SORCS2: variants seen among roughly 807,000 people sequenced by gnomAD.
SORCS2 encodes the protein VPS10 domain-containing receptor SorCS2.
Under a neutral mutation model 141.6 loss-of-function variants are expected in SORCS2, and 100 were observed. That is an observed-to-expected ratio of 0.71 (90% CI 0.60 to 0.83). The LOEUF (loss-of-function observed/expected upper bound fraction) is 0.83. Among genes scored for constraint, SORCS2 ranks in the 40% least tolerant of loss-of-function variants. The pLI is 0.00. For missense variants in SORCS2, 1,646 were observed against 1,560.2 expected, an observed-to-expected ratio of 1.05 and a Z score of -0.93; for synonymous variants, 789 against 676.9, an observed-to-expected ratio of 1.17 and a Z score of -2.57.
Position 7,437,715 on chromosome 4 carries a change from C to CT in SORCS2, c.548+41370dup, listed in dbSNP as rs11359730. Among the ~76,000 whole-genome samples, 17 of 150,698 alleles carry CT rather than the reference C, an allele frequency of 1.1e-4. No homozygotes were observed. In the South Asian group the frequency reaches 1.7e-3, roughly 15 times the overall value. On this transcript the variant is annotated intron_variant, in intron 2 of 26. Transcript: ENST00000507866. ...CAGAAAGTGGGGACAAAACCAAACA[C>CT]TTTTTTTTTTATCCCATGGCGGGGA...
intron 26 of SORCS2, among the ~76,000 whole-genome samples, chr4:7,739,213 C>A (rs1020913513): frequency 1.3e-5 from 2 of 152,084 alleles, no homozygotes; most frequent in Non-Finnish European, 2.9e-5. Context: ...CAGCTGTGTG[C>A]CCCCCGAAGG....
At chr4:7,254,563 T>C (rs146571790) in intron 1 of SORCS2, among the ~76,000 whole-genome samples, 53 of 152,316 alleles carry the variant, frequency 3.5e-4, no homozygotes, top group South Asian at 8.3e-4. Flanking sequence ...GGGTATAATG[T>C]ACATTATTTG....
intron 2 of SORCS2, among the ~76,000 whole-genome samples, chr4:7,447,263 G>C (rs1352395992): frequency 1.3e-5 from 2 of 152,172 alleles, no homozygotes; most frequent in Admixed American, 6.5e-5. Context: ...GTGTCTGAGA[G>C]TGGATCATGT....
intron 2 of SORCS2, among the ~76,000 whole-genome samples, chr4:7,450,902 G>A (rs1728393087): frequency 6.6e-6 from 1 of 151,872 alleles, no homozygotes; most frequent in Non-Finnish European, 1.5e-5. Context: ...ATGAGTGAGG[G>A]AGTGAATGAA....
chr4:7,257,424 T>C (rs1211921535), intron 1 of SORCS2, among the ~76,000 whole-genome samples: 4 of 152,074 alleles, frequency 2.6e-5, no homozygotes, highest in South Asian at 2.1e-4. Flanking sequence ...AGTGTAAGTA[T>C]GGACCCTGAG....
chr4:7,500,921 C>T (rs776024413), intron 2 of SORCS2, among the ~76,000 whole-genome samples: 17 of 152,210 alleles, frequency 1.1e-4, no homozygotes, highest in Admixed American at 2.6e-4. Context: ...CCACCAGCCC[C>T]GACTCCTGTG....
At chr4:7,737,225 C>A (rs1172365786) in intron 26 of SORCS2, 53 bp downstream of exon 26, 2 of 1,547,326 alleles carry the variant, frequency 1.3e-6, no homozygotes, top group Non-Finnish European at 1.7e-6. Flanking sequence ...GTAACGTCCG[C>A]CCCAAACCCA....
At chr4:7,393,538 T>C (rs985940938) in intron 1 of SORCS2, among the ~76,000 whole-genome samples, 2 of 152,214 alleles carry the variant, frequency 1.3e-5, no homozygotes, top group Non-Finnish European at 2.9e-5. Context: ...AAATTCTAGC[T>C]CTGCCGCTTG....
chr4:7,697,706 C>T (rs896182955), intron 12 of SORCS2, among the ~76,000 whole-genome samples: 31 of 150,914 alleles, frequency 2.1e-4, no homozygotes, highest in Non-Finnish European at 3.5e-4. Context: ...GAGGGGGCTA[C>T]GGGGGACTCC....
At chr4:7,626,771 T>C (rs928538271) in intron 3 of SORCS2, among the ~76,000 whole-genome samples, 3 of 152,162 alleles carry the variant, frequency 2.0e-5, no homozygotes, top group African/African-American at 7.2e-5. Context: ...TGTAAGGCCA[T>C]GGGAGGGTGA....
chr4:7,413,856 C>G (rs549192179), intron 2 of SORCS2, among the ~76,000 whole-genome samples: 1 of 152,174 alleles, frequency 6.6e-6, no homozygotes, highest in Non-Finnish European at 1.5e-5. Flanking sequence ...TGCCCCACGT[C>G]TCTATGTTCT....
chr4:7,444,687 A>G (rs1012721077), intron 2 of SORCS2, among the ~76,000 whole-genome samples: 2 of 152,192 alleles, frequency 1.3e-5, no homozygotes, highest in East Asian at 1.9e-4. Flanking sequence ...TGGTGCTTCT[A>G]AAAGGATGGA....
intron 2 of SORCS2, among the ~76,000 whole-genome samples, chr4:7,437,610 G>C (rs966107191): frequency 9.2e-5 from 14 of 152,170 alleles, no homozygotes; most frequent in Non-Finnish European, 1.5e-4. Context: ...CATAAACTCA[G>C]GTGTGGTCAG....
chr4:7,222,170 C>A (rs1387416743), intron 1 of SORCS2, among the ~76,000 whole-genome samples: 3 of 152,146 alleles, frequency 2.0e-5, no homozygotes, highest in Non-Finnish European at 2.9e-5. Context: ...TAGGCATAAA[C>A]CCCAGAGAGA....
At chr4:7,260,113 T>TA (rs1284267919) in intron 1 of SORCS2, among the ~76,000 whole-genome samples, 3 of 152,174 alleles carry the variant, frequency 2.0e-5, no homozygotes, top group African/African-American at 7.2e-5. Context: ...CCTTTTCCCT[T>TA]TCAGAACTCG....
chr4:7,253,416 C>T (rs984549280), intron 1 of SORCS2, among the ~76,000 whole-genome samples: 4 of 152,228 alleles, frequency 2.6e-5, no homozygotes, highest in South Asian at 4.1e-4. Flanking sequence ...GGGCCGTCCC[C>T]CTGTTCTCAT....
At chr4:7,554,077 GA>G (rs1171554134) in intron 3 of SORCS2, among the ~76,000 whole-genome samples, 1 of 144,350 alleles carries the variant, frequency 6.9e-6, no homozygotes, top group African/African-American at 2.6e-5. Context: ...TTCATGAAAC[GA>G]GGGAACAAAT....
intron 3 of SORCS2, among the ~76,000 whole-genome samples, chr4:7,589,958 G>A (rs2108773111): frequency 6.6e-6 from 1 of 152,320 alleles, no homozygotes; most frequent in Admixed American, 6.5e-5. Context: ...GTGACTGCCT[G>A]GGGCACGGAA....
intron 1 of SORCS2, among the ~76,000 whole-genome samples, chr4:7,259,339 A>G (rs1714153953): frequency 6.6e-6 from 1 of 152,202 alleles, no homozygotes; most frequent in Admixed American, 6.5e-5. Context: ...GGGGATTTGA[A>G]CCCAGGTTGT....
Sources: gnomAD v4.1 joint callset for allele counts (sites outside exome capture counted in the v4.1 genomes callset) on GRCh38, gnomAD v4.1.1 for gene constraint, MANE v1.5 for transcripts, NCBI Gene and HGNC (gene_info 2026-07-23, HGNC 2026-07-21) for gene names.